TFCP2L1: variants seen among roughly 807,000 people sequenced by gnomAD.
TFCP2L1 encodes the protein transcription factor CP2 like 1, also known as transcription factor CP2-like protein 1.
Under a neutral mutation model 72.2 loss-of-function variants are expected in TFCP2L1, and 12 were observed. The observed-to-expected ratio is 0.17, with a 90% confidence interval of 0.11 to 0.27. TFCP2L1 has a LOEUF of 0.27. Ranked by LOEUF, TFCP2L1 falls within the 10% of genes least tolerant of loss-of-function variation. The pLI is 1.00. For missense variants in TFCP2L1, 488 were observed against 624.6 expected (o/e 0.78, Z 2.33); for synonymous variants, 260 against 251.0 (o/e 1.04, Z -0.34).
intron 2 of TFCP2L1, among the ~76,000 whole-genome samples, chr2:121,276,931 T>C (rs940280721): frequency 1.3e-5 from 2 of 149,168 alleles, no homozygotes; most frequent in African/African-American, 5.0e-5. Flanking sequence ...ACATTTAAAA[T>C]AGATCTCTAC....
At chr2:121,241,198 T>C (rs567290056) in intron 7 of TFCP2L1, among the ~76,000 whole-genome samples, 48 of 152,284 alleles carry the variant, frequency 3.2e-4, no homozygotes, top group African/African-American at 9.6e-4. Flanking sequence ...CTGCAACTCG[T>C]AAAGGGAAGA....
intron 7 of TFCP2L1, chr2:121,240,595 C>G: frequency 1.0e-6 from 1 of 985,432 alleles, no homozygotes; most frequent in Non-Finnish European, 1.2e-6. Flanking sequence ...TTCAACTACG[C>G]TGCACTGTGG....
intron 8 of TFCP2L1, among the ~76,000 whole-genome samples, chr2:121,239,037 G>A (rs1686308274): frequency 6.6e-6 from 1 of 152,134 alleles, no homozygotes; most frequent in Non-Finnish European, 1.5e-5. Context: ...ACACTCAGGA[G>A]AGTGACTGTC....
At chr2:121,249,519 C>T in intron 3 of TFCP2L1, 52 bp downstream of exon 3, 5 of 1,585,866 alleles carry the variant, frequency 3.2e-6, no homozygotes, top group Non-Finnish European at 4.3e-6. Context: ...GGTGCCCAGA[C>T]CCTAATCAAG....
At chr2:121,262,172 C>T (rs1012597522) in intron 2 of TFCP2L1, among the ~76,000 whole-genome samples, 36 of 152,164 alleles carry the variant, frequency 2.4e-4, no homozygotes, top group Non-Finnish European at 2.1e-4. Flanking sequence ...ATGATAATAA[C>T]AAAATAATAA....
At chr2:121,274,048 C>G (rs777927183) in intron 2 of TFCP2L1, among the ~76,000 whole-genome samples, 23 of 145,078 alleles carry the variant, frequency 1.6e-4, no homozygotes, top group Non-Finnish European at 3.1e-4. Context: ...GAGCCGAGGT[C>G]ACACCACTGC....
intron 1 of TFCP2L1, 93 bp from the exon 2 acceptor site, chr2:121,281,364 G>A (rs35023952): frequency 0.054 from 76,573 of 1,430,664 alleles, 2,393 homozygotes; most frequent in African/African-American, 0.12. Context: ...GCAGACCACC[G>A]GGGCCCAGGG....
chr2:121,235,726 C>CT (rs113361633), intron 10 of TFCP2L1, among the ~76,000 whole-genome samples: 5,358 of 147,822 alleles, frequency 0.036, 143 homozygotes, highest in Non-Finnish European at 0.053. Context: ...GGCCTCTTCT[C>CT]TTTTTTTTTT....
intron 7 of TFCP2L1, 125 bp from the exon 8 acceptor site, chr2:121,239,774 C>T (rs1168462663): frequency 2.1e-6 from 2 of 974,886 alleles, no homozygotes; most frequent in East Asian, 2.7e-5. Flanking sequence ...ACGCAGCCTG[C>T]GTTTACCCAG....
chr2:121,240,522 C>A, intron 7 of TFCP2L1: 1 of 985,422 alleles, frequency 1.0e-6, no homozygotes, highest in Non-Finnish European at 1.2e-6. Flanking sequence ...CTAAATCCTA[C>A]AGCCCAAGGA....
At chr2:121,253,536 A>G (rs994958377) in intron 2 of TFCP2L1, among the ~76,000 whole-genome samples, 1 of 152,172 alleles carries the variant, frequency 6.6e-6, no homozygotes, top group Non-Finnish European at 1.5e-5. Flanking sequence ...CGGCCCTAGC[A>G]TGAGGCCCAA....
intron 2 of TFCP2L1, among the ~76,000 whole-genome samples, chr2:121,276,333 G>C (rs1687146256): frequency 9.0e-6 from 1 of 110,554 alleles, no homozygotes; most frequent in African/African-American, 3.1e-5. Flanking sequence ...TTCTGTTCCT[G>C]TGTTAGTTTG....
chr2:121,247,079 A>C (rs962320258), intron 5 of TFCP2L1, 109 bp from the exon 6 acceptor site: 1 of 1,356,860 alleles, frequency 7.4e-7, no homozygotes, highest in African/African-American at 1.4e-5. Context: ...TGGTCAGTGC[A>C]GGCCTGCCTC....
At chr2:121,277,222 AGGGGTGGTG>A (rs1687165701) in intron 2 of TFCP2L1, among the ~76,000 whole-genome samples, 1 of 152,186 alleles carries the variant, frequency 6.6e-6, no homozygotes. Flanking sequence ...ATTTAAGGCC[AGGGGTGGTG>A]GTACACACCT....
intron 2 of TFCP2L1, among the ~76,000 whole-genome samples, chr2:121,265,957 C>T (rs924162199): frequency 1.3e-5 from 2 of 151,248 alleles, no homozygotes; most frequent in African/African-American, 4.9e-5. Flanking sequence ...CCTCGACCTC[C>T]GGGGTTGAAG....
At chr2:121,228,959 G>A (rs1013181187) in intron 13 of TFCP2L1, among the ~76,000 whole-genome samples, 1 of 151,778 alleles carries the variant, frequency 6.6e-6, no homozygotes, top group Non-Finnish European at 1.5e-5. Context: ...TCGCTCTGTT[G>A]CCCCGGCTGG....
At chr2:121,256,696 G>T (rs1400066672) in intron 2 of TFCP2L1, among the ~76,000 whole-genome samples, 4 of 152,098 alleles carry the variant, frequency 2.6e-5, no homozygotes, top group African/African-American at 9.7e-5. Flanking sequence ...AGAATTGCTT[G>T]AACCAGGAGG....
At chr2:121,240,619 A>G (rs528261208) in intron 7 of TFCP2L1, 2 of 985,434 alleles carry the variant, frequency 2.0e-6, no homozygotes, top group South Asian at 4.7e-5. Context: ...GGGCTTGGAC[A>G]GACCTGGCAT....
chr2:121,232,959 C>T (rs116813174), intron 12 of TFCP2L1, among the ~76,000 whole-genome samples: 104 of 152,296 alleles, frequency 6.8e-4, no homozygotes, highest in African/African-American at 2.4e-3. Context: ...ATTCAAGATT[C>T]TTAAGCCTTT....
Sources: gnomAD v4.1 joint callset for allele counts (sites outside exome capture counted in the v4.1 genomes callset) on GRCh38, gnomAD v4.1.1 for gene constraint, MANE v1.5 for transcripts, NCBI Gene and HGNC (gene_info 2026-07-23, HGNC 2026-07-21) for gene names.